The following RAG1 variants were observed in gnomAD, a reference collection of about 807,000 sequenced individuals.
The protein encoded by RAG1 is V(D)J recombination-activating protein 1.
A neutral mutation model predicts 62.7 loss-of-function variants in RAG1; 35 were observed. The observed-to-expected ratio is 0.56, with a 90% CI of 0.43 to 0.74. The LOEUF is 0.74. Ranked by LOEUF, RAG1 falls within the 30% of genes least tolerant of loss-of-function variation. RAG1 has a pLI of 0.00. For synonymous variants in RAG1, 461 were observed against 470.3 expected, an observed-to-expected ratio of 0.98 and a Z score of 0.26; for missense variants, 1,169 against 1,278.6, an observed-to-expected ratio of 0.91 and a Z score of 1.31.
chr11:36,576,498 G>T lies in RAG1; in HGVS notation c.*62G>T. On this transcript the variant is annotated 3_prime_UTR_variant, in exon 2 of 2. Transcript: ENST00000299440. ...AGTTTCCCTCTGGGTTGCATTGAGG[G>T]CTTCTCCTAGCACCCTTTACTGCTG... The T allele has an allele frequency of 2.5e-6, 4 of 1,578,574 alleles. No individual in the cohort carries two copies. Among genetic ancestry groups the T allele is most frequent in the Non-Finnish European group, 2.6e-6 (3 of 1,149,300 alleles).
intron 1 of RAG1, among the ~76,000 whole-genome samples, chr11:36,513,057 C>T (rs1179909190): frequency 2.0e-5 from 3 of 152,084 alleles, no homozygotes; most frequent in South Asian, 2.1e-4. Flanking sequence ...CGAGTGAATT[C>T]GTTATTCTGG....
chr11:36,547,348 G>C (rs111514074), intron 3 of RAG1, among the ~76,000 whole-genome samples: 2,989 of 152,062 alleles, frequency 0.02, 98 homozygotes, highest in African/African-American at 0.068. Context: ...CTGGTTTTTT[G>C]AAAAGATCAA....
chr11:36,573,468 G>A lies in RAG1; in HGVS notation c.164G>A (p.Gly55Glu), dbSNP rs767765877. The change falls in exon 2 of 2, where the codon GGG (glycine) becomes GAG (glutamate). Residue 55 changes from glycine to glutamate, a missense_variant. Coordinates refer to ENST00000299440, the MANE Select transcript of RAG1 (RefSeq NM_000448.3). ...AQKEKKDSFE[G>E]KPSLEQSPAV... The stretch of plus-strand genomic sequence containing the variant: ...AAGGAAAAGAAGGATTCCTTTGAGG[G>A]GAAACCCTCTCTGGAGCAATCTCCA... 1.9e-6 allele frequency: 3 copies of A among 1,614,160 alleles called. No homozygotes were observed. The highest frequency in any genetic ancestry group is 3.3e-5 in the Admixed American group (2 of 60,018).
intron 2 of RAG1, among the ~76,000 whole-genome samples, chr11:36,534,351 C>A (rs76109654): frequency 0.011 from 1,740 of 152,266 alleles, 17 homozygotes; most frequent in East Asian, 0.03. Context: ...ACAAACAAAG[C>A]TTATTCATAC....
chr11:36,532,759 G>T (rs1860274346), intron 2 of RAG1, among the ~76,000 whole-genome samples: 5 of 152,090 alleles, frequency 3.3e-5, no homozygotes, highest in Admixed American at 3.3e-4. Flanking sequence ...GAGTTTAAAA[G>T]ATCTCAAGAA....
intron 1 of RAG1, among the ~76,000 whole-genome samples, chr11:36,511,882 A>C (rs1002038140): frequency 6.6e-6 from 1 of 152,210 alleles, no homozygotes; most frequent in East Asian, 1.9e-4. Flanking sequence ...ACCTCCATGA[A>C]CTACAATGAC....
chr11:36,513,543 C>T (rs1206081626), intron 1 of RAG1, among the ~76,000 whole-genome samples: 1 of 152,110 alleles, frequency 6.6e-6, no homozygotes, highest in Non-Finnish European at 1.5e-5. Context: ...TATTTATGCC[C>T]ACGTGTAGTT....
chr11:36,517,269 G>A (rs1162737460), intron 1 of RAG1, among the ~76,000 whole-genome samples: 3 of 152,072 alleles, frequency 2.0e-5, no homozygotes, highest in East Asian at 1.9e-4. Flanking sequence ...TATTTTCATC[G>A]CAAACATATT....
At chr11:36,514,121 T>C (rs1196485735) in intron 1 of RAG1, among the ~76,000 whole-genome samples, 1 of 152,214 alleles carries the variant, frequency 6.6e-6, no homozygotes, top group Non-Finnish European at 1.5e-5. Flanking sequence ...TGAGCCCTCT[T>C]GCCAATAGCC....
At chr11:36,548,806 T>A (rs564763977) in intron 3 of RAG1, among the ~76,000 whole-genome samples, 1 of 151,924 alleles carries the variant, frequency 6.6e-6, no homozygotes, top group East Asian at 1.9e-4. Flanking sequence ...AAAGAGCCCA[T>A]ATGGTCAAGA....
At chr11:36,526,467 T>C (rs190942301) in intron 2 of RAG1, among the ~76,000 whole-genome samples, 4 of 152,282 alleles carry the variant, frequency 2.6e-5, no homozygotes, top group East Asian at 1.9e-4. Flanking sequence ...ACATTTTCTT[T>C]ATCCAGTCTA....
downstream of RAG1, among the ~76,000 whole-genome samples, chr11:36,537,240 G>A (rs1400423028): frequency 1.3e-5 from 2 of 152,110 alleles, no homozygotes; most frequent in African/African-American, 4.8e-5. Flanking sequence ...ATATGGTATT[G>A]TGCACTTTAA....
chr11:36,547,231 GAACA>G, intron 3 of RAG1, among the ~76,000 whole-genome samples: 1 of 152,120 alleles, frequency 6.6e-6, no homozygotes, highest in African/African-American at 2.4e-5. Context: ...AGAGAAGCAA[GAACA>G]AACAAATTCA....
chr11:36,569,899 G>A (rs921716277), intron 1 of RAG1, among the ~76,000 whole-genome samples: 3 of 152,066 alleles, frequency 2.0e-5, no homozygotes, highest in African/African-American at 7.2e-5. Flanking sequence ...ACTTGCTATT[G>A]TCATTCTATT....
rs1850818880 is a variant in RAG1, at chr11:36,575,016, T to C, written c.1712T>C (p.Met571Thr). 1 of 1,614,094 alleles carries C rather than the reference T, an allele frequency of 6.2e-7. No individual in the cohort carries two copies. Among genetic ancestry groups the C allele is most frequent in the Non-Finnish European group, 8.5e-7 (1 of 1,180,004 alleles). Residue 571 changes from methionine (M) to threonine (T), a missense_variant, in exon 2 of 2, where the codon ATG becomes ACG. By Grantham distance (81) the Met-to-Thr change is moderately conservative (BLOSUM62 -1). This residue lies in a region of RAG1 where 800 missense variants were observed against 943.3 expected (regional missense o/e 0.85). Transcript: ENST00000299440. This position sits in a 1 kb window ranked among gnomAD's most constrained non-coding sequence, Gnocchi z 4.1. The stretch of plus-strand genomic sequence containing the variant: ...GATTCAGCTTTGGTGTCTGCTTTGA[T>C]GGACATGGAAGAAGACATCTTGGAA... ...RYDSALVSAL[M>T]DMEEDILEGM... is the part of the protein sequence containing the mutation.
chr11:36,523,939 G>T (rs1860119886), intron 2 of RAG1, among the ~76,000 whole-genome samples: 1 of 152,102 alleles, frequency 6.6e-6, no homozygotes. Flanking sequence ...CATCCGTCAT[G>T]TTGCCCTTTT....
intron 2 of RAG1, among the ~76,000 whole-genome samples, chr11:36,527,977 G>C (rs1179957305): frequency 6.6e-6 from 1 of 152,082 alleles, no homozygotes; most frequent in Non-Finnish European, 1.5e-5. Context: ...TTTGGACTGA[G>C]ACAATGGGGT....
At chr11:36,572,389 T>A (rs1850761886) in intron 1 of RAG1, among the ~76,000 whole-genome samples, 1 of 152,236 alleles carries the variant, frequency 6.6e-6, no homozygotes, top group South Asian at 2.1e-4. Flanking sequence ...CTGGCATATG[T>A]AATTGCCAAT....
intron 3 of RAG1, among the ~76,000 whole-genome samples, chr11:36,551,790 A>T (rs1312800663): frequency 7.3e-6 from 1 of 137,668 alleles, no homozygotes; most frequent in African/African-American, 2.7e-5. Flanking sequence ...CCAGAGTGTG[A>T]TATTCCCCTT....
Sources: allele counts gnomAD v4.1 joint callset (sites outside exome capture counted in the v4.1 genomes callset), GRCh38; gene constraint gnomAD v4.1.1; regional missense constraint gnomAD v4.1.1; non-coding constraint Gnocchi (gnomAD v3.1); transcripts MANE v1.5; gene names NCBI Gene and HGNC (gene_info 2026-07-23, HGNC 2026-07-21).